TGFB2: variants seen among roughly 807,000 people sequenced by gnomAD.
TGFB2 encodes transforming growth factor beta 2, also known as transforming growth factor beta-2 proprotein.
TGFB2 carries 13 observed loss-of-function variants against 42.7 expected under a neutral mutation model. That is an observed-to-expected ratio of 0.30 (90% CI 0.20 to 0.48). TGFB2 has a LOEUF of 0.48. Ranked by LOEUF, TGFB2 falls within the 20% of genes least tolerant of loss-of-function variation. The pLI, the probability that TGFB2 is intolerant of heterozygous loss-of-function variation, is 0.99. For missense variants in TGFB2, 390 were observed against 517.5 expected, an observed-to-expected ratio of 0.75 and a Z score of 2.39; for synonymous variants, 193 against 193.6, an observed-to-expected ratio of 1.00 and a Z score of 0.03.
At position 218,434,468 on chromosome 1, in the gene TGFB2, A is replaced by G; in HGVS notation, c.754+20A>G. ...TTGCAGGTAACCAAAACTTGGTCAT[A>G]TGAGGTGGGGGAGGGAAGGGTCTAT... On this transcript the variant is annotated intron_variant, in intron 4 of 6. Coordinates refer to ENST00000366930, the MANE Select transcript of TGFB2 (RefSeq NM_003238.6). The G allele has an allele frequency of 6.8e-7, 1 of 1,464,112 alleles. No homozygotes were observed. The highest frequency in any genetic ancestry group is 1.4e-5 in the African/African-American group (1 of 71,842). 90.7% of individuals were successfully genotyped at this position (1,464,112 alleles called of 1,614,324 possible).
At chr1:218,356,617 C>A (rs1437992479) in intron 1 of TGFB2, among the ~76,000 whole-genome samples, 1 of 152,168 alleles carries the variant, frequency 6.6e-6, no homozygotes, top group East Asian at 1.9e-4. Context: ...AGTCCAAAAT[C>A]AAAGAACAGA....
At chr1:218,406,409 G>A (rs10482771) in intron 2 of TGFB2, among the ~76,000 whole-genome samples, 18,951 of 152,068 alleles carry the variant, frequency 0.12, 1,515 homozygotes, top group African/African-American at 0.23. Flanking sequence ...GCATCACCTG[G>A]GGCTGTGAGA....
chr1:218,426,402 A>C (rs1659627044), intron 2 of TGFB2, among the ~76,000 whole-genome samples: 1 of 152,214 alleles, frequency 6.6e-6, no homozygotes, highest in Admixed American at 6.5e-5. Context: ...CTATTGGGTA[A>C]CATCAGTGAC....
At chr1:218,432,993 G>A (rs377617651) in intron 2 of TGFB2, among the ~76,000 whole-genome samples, 3 of 152,104 alleles carry the variant, frequency 2.0e-5, no homozygotes, top group African/African-American at 4.8e-5. Context: ...ACTTCCTTTC[G>A]AAACCTAGGA....
chr1:218,384,175 G>A (rs75864008), intron 1 of TGFB2, among the ~76,000 whole-genome samples: 2,463 of 152,110 alleles, frequency 0.016, 55 homozygotes, highest in African/African-American at 0.05. Context: ...ATTGGTTATG[G>A]GTTTTATTTT....
At chr1:218,386,351 A>C (rs1479737069) in intron 1 of TGFB2, among the ~76,000 whole-genome samples, 1 of 152,236 alleles carries the variant, frequency 6.6e-6, no homozygotes, top group Non-Finnish European at 1.5e-5. Flanking sequence ...ACTATCAATA[A>C]GATAGCATTT....
At chr1:218,376,922 C>G (rs2102560347) in intron 1 of TGFB2, among the ~76,000 whole-genome samples, 1 of 152,290 alleles carries the variant, frequency 6.6e-6, no homozygotes, top group African/African-American at 2.4e-5. Flanking sequence ...GAGACACGGT[C>G]TTGCTCTGTT....
intron 2 of TGFB2, among the ~76,000 whole-genome samples, chr1:218,419,646 G>C (rs776711168): frequency 3.3e-5 from 5 of 152,152 alleles, no homozygotes; most frequent in African/African-American, 7.2e-5. Flanking sequence ...CTTCAAATAA[G>C]TATGTAACTT....
At chr1:218,407,520 G>A (rs750577948) in intron 2 of TGFB2, among the ~76,000 whole-genome samples, 13 of 152,156 alleles carry the variant, frequency 8.5e-5, no homozygotes, top group Admixed American at 6.5e-4. Flanking sequence ...GCCGTTGCTC[G>A]TCGCCCCAAG....
chr1:218,410,664 T>A (rs980041000), intron 2 of TGFB2, among the ~76,000 whole-genome samples: 6 of 152,116 alleles, frequency 3.9e-5, no homozygotes, highest in Non-Finnish European at 1.5e-5. Context: ...ATAGTAACGA[T>A]CTTTGCCATA....
intron 1 of TGFB2, among the ~76,000 whole-genome samples, chr1:218,380,537 G>A (rs975268259): frequency 6.6e-6 from 1 of 151,940 alleles, no homozygotes; most frequent in African/African-American, 2.4e-5. Context: ...ATCTTTATTT[G>A]AATTGCACAA....
intron 2 of TGFB2, among the ~76,000 whole-genome samples, chr1:218,421,405 G>A (rs540038522): frequency 2.1e-5 from 3 of 143,978 alleles, no homozygotes; most frequent in South Asian, 2.2e-4. Flanking sequence ...ATAAAAGACC[G>A]ATTGTTCAGG....
At position 218,389,188 on chromosome 1, in the gene TGFB2, A is replaced by G. The variant is rs183056566; in HGVS notation, c.347-15981A>G. ...TATATGTGGAGGTGCTTGGTGAAAC[A>G]CTATGAAGACCTAAAGGATTGGGAT... On this transcript the variant is annotated intron_variant, in intron 1 of 6. Coordinates refer to ENST00000366930, the MANE Select transcript of TGFB2 (RefSeq NM_003238.6). Among the ~76,000 whole-genome samples the G allele has an allele frequency of 1.1e-3, 161 of 152,324 alleles. 1 individual carries two copies. The highest frequency in any genetic ancestry group is 1.8e-3 in the Non-Finnish European group (124 of 68,030).
At chr1:218,422,900 A>G (rs912995127) in intron 2 of TGFB2, among the ~76,000 whole-genome samples, 4 of 152,318 alleles carry the variant, frequency 2.6e-5, no homozygotes, top group Non-Finnish European at 4.4e-5. Flanking sequence ...ATAAATGAGG[A>G]CTCAAGTGCA....
At chr1:218,387,257 G>A (rs1471561659) in intron 1 of TGFB2, among the ~76,000 whole-genome samples, 2 of 152,082 alleles carry the variant, frequency 1.3e-5, no homozygotes, top group Admixed American at 1.3e-4. Flanking sequence ...GGAGTGGAGG[G>A]GAGACAGCAG....
At chr1:218,400,168 C>T (rs888247023) in intron 1 of TGFB2, among the ~76,000 whole-genome samples, 1 of 151,092 alleles carries the variant, frequency 6.6e-6, no homozygotes, top group East Asian at 1.9e-4. Context: ...GGGCTAGCTA[C>T]AAAATTTGCA....
At chr1:218,419,140 G>T (rs554902294) in intron 2 of TGFB2, among the ~76,000 whole-genome samples, 1 of 152,248 alleles carries the variant, frequency 6.6e-6, no homozygotes, top group East Asian at 1.9e-4. Flanking sequence ...GACTTAGGAG[G>T]CTGGCTCTGA....
intron 6 of TGFB2, 31 bp from the exon 7 acceptor site, chr1:218,441,173 A>G (rs2102634211): frequency 6.3e-7 from 1 of 1,578,700 alleles, no homozygotes; most frequent in South Asian, 1.2e-5. Flanking sequence ...GTCTTTCCCT[A>G]TGTTGTCTCT....
chr1:218,385,097 G>T (rs11466380), intron 1 of TGFB2, among the ~76,000 whole-genome samples: 1 of 152,080 alleles, frequency 6.6e-6, no homozygotes, highest in Non-Finnish European at 1.5e-5. Flanking sequence ...ATCTGGGTTT[G>T]ATTCTATTTT....
Sources: gnomAD v4.1 joint callset for allele counts (sites outside exome capture counted in the v4.1 genomes callset) on GRCh38, gnomAD v4.1.1 for gene constraint, MANE v1.5 for transcripts, NCBI Gene and HGNC (gene_info 2026-07-23, HGNC 2026-07-21) for gene names.